GALNTL6: variants seen among roughly 807,000 people sequenced by gnomAD.
GALNTL6 encodes polypeptide N-acetylgalactosaminyltransferase-like 6.
In GALNTL6, 46 loss-of-function variants were observed where a neutral mutation model predicts 73.7. The observed-to-expected ratio is 0.62, with a 90% CI of 0.49 to 0.80. GALNTL6 has a LOEUF of 0.80. GALNTL6 is among the 30% of genes least tolerant of loss of function. The pLI, the probability that GALNTL6 is intolerant of heterozygous loss-of-function variation, is 0.00. For synonymous variants in GALNTL6, 259 were observed against 263.7 expected, an observed-to-expected ratio of 0.98 and a Z score of 0.17; for missense variants, 604 against 755.0, an observed-to-expected ratio of 0.80 and a Z score of 2.34.
chr4:172,048,478 A>G (rs766319209), intron 2 of GALNTL6, among the ~76,000 whole-genome samples: 1 of 152,134 alleles, frequency 6.6e-6, no homozygotes, highest in Non-Finnish European at 1.5e-5. Flanking sequence ...TCCCTCAGTC[A>G]CCACAGAAGG....
chr4:172,873,751 T>A (rs1745056879), intron 7 of GALNTL6, among the ~76,000 whole-genome samples: 1 of 152,168 alleles, frequency 6.6e-6, no homozygotes, highest in Non-Finnish European at 1.5e-5. Context: ...TCAGGTCCTG[T>A]TTTTTTGTTG....
chr4:172,622,384 T>A (rs1738996509), intron 5 of GALNTL6, among the ~76,000 whole-genome samples: 1 of 151,860 alleles, frequency 6.6e-6, no homozygotes, highest in Non-Finnish European at 1.5e-5. Context: ...CAGAAAAAAA[T>A]TATGTAAGAT....
chr4:172,599,831 T>G (rs1167862594), intron 5 of GALNTL6, among the ~76,000 whole-genome samples: 1 of 152,124 alleles, frequency 6.6e-6, no homozygotes, highest in Non-Finnish European at 1.5e-5. Flanking sequence ...AAAATGCTAC[T>G]TAGTCACATT....
At chr4:172,529,428 C>T (rs183952744) in intron 5 of GALNTL6, among the ~76,000 whole-genome samples, 11 of 152,030 alleles carry the variant, frequency 7.2e-5, no homozygotes, top group Admixed American at 7.2e-4. Flanking sequence ...TCTTCCTTTC[C>T]ACTCTGTGTG....
At chr4:171,833,147 G>C (rs1220980332) in intron 2 of GALNTL6, among the ~76,000 whole-genome samples, 1 of 151,696 alleles carries the variant, frequency 6.6e-6, no homozygotes, top group Non-Finnish European at 1.5e-5. Flanking sequence ...ATGATATCTA[G>C]GGTATAGTAT....
intron 5 of GALNTL6, among the ~76,000 whole-genome samples, chr4:172,576,708 G>GT (rs1381168740): frequency 1.3e-5 from 2 of 151,726 alleles, no homozygotes; most frequent in African/African-American, 4.8e-5. Flanking sequence ...CATTTGTGGT[G>GT]TATCAGGAAC....
intron 5 of GALNTL6, among the ~76,000 whole-genome samples, chr4:172,765,738 T>G (rs1047291624): frequency 2.6e-5 from 4 of 152,080 alleles, no homozygotes; most frequent in African/African-American, 9.7e-5. Flanking sequence ...TCTTCAGTCG[T>G]CTCCCACACA....
rs898669762 is a variant in GALNTL6, at chr4:172,294,761, G to T, written c.248-16853G>T. On this transcript the variant is annotated intron_variant, in intron 3 of 12. Transcript: ENST00000506823. ...GATTCAACATGATTAAAATGTTAACGTGTAATATTTAACAGGATTTCTCCT... is the reference window on the plus strand; with the variant it reads ...GATTCAACATGATTAAAATGTTAACTTGTAATATTTAACAGGATTTCTCCT... Among the ~76,000 whole-genome samples, 15 of 152,182 alleles carry T rather than the reference G, an allele frequency of 9.9e-5. No individual in the cohort carries two copies. The East Asian group carries it at 2.9e-3, about 29-fold the overall frequency.
intron 2 of GALNTL6, among the ~76,000 whole-genome samples, chr4:172,106,491 G>T (rs548230884): frequency 1.1e-4 from 16 of 152,138 alleles, no homozygotes; most frequent in African/African-American, 3.4e-4. Flanking sequence ...TTTTCTGTAA[G>T]AATTCTATTT....
chr4:172,454,861 A>G (rs1248213053), intron 5 of GALNTL6, among the ~76,000 whole-genome samples: 4 of 152,222 alleles, frequency 2.6e-5, no homozygotes, highest in Admixed American at 1.3e-4. Context: ...GCCAAATGAA[A>G]ATAGGAAATC....
intron 11 of GALNTL6, among the ~76,000 whole-genome samples, chr4:173,013,568 C>T (rs554053662): frequency 8.0e-4 from 115 of 143,248 alleles, no homozygotes; most frequent in African/African-American, 2.8e-3. Context: ...TCCCCCAACT[C>T]CCCACCTCCC....
At chr4:172,175,573 A>G (rs1185156508) in intron 2 of GALNTL6, among the ~76,000 whole-genome samples, 3 of 152,248 alleles carry the variant, frequency 2.0e-5, no homozygotes, top group Admixed American at 1.3e-4. Context: ...TGGCTGAACC[A>G]TAAGTGATTT....
At chr4:172,088,850 A>G (rs2110936666) in intron 2 of GALNTL6, among the ~76,000 whole-genome samples, 1 of 152,272 alleles carries the variant, frequency 6.6e-6, no homozygotes, top group East Asian at 1.9e-4. Flanking sequence ...AGACCTTGCA[A>G]CTATTTCTTT....
intron 5 of GALNTL6, among the ~76,000 whole-genome samples, chr4:172,578,755 A>G (rs987524964): frequency 1.3e-5 from 2 of 152,246 alleles, no homozygotes; most frequent in Admixed American, 6.5e-5. Flanking sequence ...GTCTTCTTAC[A>G]TTCTCACTTA....
chr4:172,454,528 T>C (rs537242590), intron 5 of GALNTL6, among the ~76,000 whole-genome samples: 106 of 152,336 alleles, frequency 7.0e-4, no homozygotes, highest in African/African-American at 2.4e-3. Flanking sequence ...GCCAAATCCA[T>C]TCTCAGAAAC....
intron 5 of GALNTL6, among the ~76,000 whole-genome samples, chr4:172,780,844 G>T (rs1739336557): frequency 6.6e-6 from 1 of 152,144 alleles, no homozygotes. Context: ...ACACCTCTGG[G>T]CCCTGCAACT....
intron 5 of GALNTL6, among the ~76,000 whole-genome samples, chr4:172,805,594 G>T (rs1740909019): frequency 6.6e-6 from 1 of 152,128 alleles, no homozygotes; most frequent in East Asian, 1.9e-4. Context: ...TTTTGCAAAT[G>T]TCTCAAAGTC....
At chr4:172,314,519 A>G (rs777315537) in intron 4 of GALNTL6, among the ~76,000 whole-genome samples, 1 of 148,302 alleles carries the variant, frequency 6.7e-6, no homozygotes, top group African/African-American at 2.5e-5. Context: ...ATGGTTTTAT[A>G]TGTTTTGATA....
intron 5 of GALNTL6, among the ~76,000 whole-genome samples, chr4:172,387,086 A>G (rs1274756374): frequency 2.6e-5 from 4 of 152,078 alleles, no homozygotes; most frequent in Non-Finnish European, 4.4e-5. Flanking sequence ...AGGTACTAAT[A>G]CCATCCTGAG....
Sources: gnomAD v4.1 joint callset for allele counts (sites outside exome capture counted in the v4.1 genomes callset) on GRCh38, gnomAD v4.1.1 for gene constraint, MANE v1.5 for transcripts, NCBI Gene and HGNC (gene_info 2026-07-23, HGNC 2026-07-21) for gene names.